The following LCTL variants were observed in gnomAD, a reference collection of about 807,000 sequenced individuals.
LCTL encodes lactase-like protein.
LCTL carries 76 observed loss-of-function variants against 75.8 expected under a neutral mutation model. That is an observed-to-expected ratio of 1.00 (90% CI 0.83 to 1.21). The LOEUF (loss-of-function observed/expected upper bound fraction) is 1.21, where lower values mean the gene tolerates loss of function less well. Among genes scored for constraint, LCTL ranks in the 50% most tolerant of loss-of-function variants. LCTL has a pLI of 0.00. For synonymous variants in LCTL, 271 were observed against 268.8 expected (o/e 1.01, Z -0.08); for missense variants, 670 against 712.4 (o/e 0.94, Z 0.68).
Position 66,552,983 on chromosome 15 carries a change from C to G in LCTL, c.1197+1G>C. The G allele has an allele frequency of 1.4e-6, 2 of 1,442,418 alleles. No individual in the cohort carries two copies. Among genetic ancestry groups the G allele is most frequent in the Non-Finnish European group, 1.8e-6 (2 of 1,094,826 alleles). The allele number at this position is 1,442,418 out of a possible 1,614,324, so 89.4% of individuals were successfully genotyped here. On this transcript the variant is annotated splice_donor_variant, in intron 9 of 12. Coordinates refer to ENST00000341509, the Ensembl canonical transcript of LCTL. LOFTEE classifies it high-confidence loss of function. Reference sequence around the variant, plus strand: ...TTTGAATAGCTGAATGTGATAATCACCTGAGCAAAGTTAAGGAGCCTCCTA... The same window carrying G: ...TTTGAATAGCTGAATGTGATAATCAGCTGAGCAAAGTTAAGGAGCCTCCTA...
rs538810749 is a variant in LCTL at position 66,562,041 on chromosome 15, C to G, written c.481-726G>C. 4.6e-5 allele frequency among the ~76,000 whole-genome samples: 7 copies of G among 152,246 alleles called. No individual in the cohort carries two copies. In the East Asian group the frequency reaches 1.2e-3, roughly 25 times the overall value. Reference sequence around the variant, plus strand: ...CCATGCGCCCTCCAATCAGAACACCCTTTCCTCCCACCTCCTGCCCAAACC... The same window carrying G: ...CCATGCGCCCTCCAATCAGAACACCGTTTCCTCCCACCTCCTGCCCAAACC... On this transcript the variant is annotated intron_variant, in intron 4 of 12. Coordinates refer to ENST00000341509, the Ensembl canonical transcript of LCTL.
At chr15:66,547,824 T>A (rs1266722199) in exon 13 of LCTL, 1 of 152,250 alleles carries the variant, frequency 6.6e-6, no homozygotes, top group East Asian at 1.9e-4. Flanking sequence ...TCTTTCTCTG[T>A]TGCACAGGCT....
chr15:66,564,410 C>T (rs973144355), intron 2 of LCTL: 12 of 494,212 alleles, frequency 2.4e-5, no homozygotes, highest in African/African-American at 1.9e-4. Flanking sequence ...TCAGCTCCCC[C>T]TTCACTTGGC....
chr15:66,552,204 A>C, intron 9 of LCTL, 35 bp from the exon 11 acceptor site: 1 of 1,588,636 alleles, frequency 6.3e-7, no homozygotes, highest in Non-Finnish European at 8.5e-7. Context: ...TATCTTAAAA[A>C]TTCTGACCTA....
At chr15:66,564,979 AG>A (rs1191161200) in intron 1 of LCTL, 140 bp from the exon 3 acceptor site, 1 of 793,842 alleles carries the variant, frequency 1.3e-6, no homozygotes, top group Non-Finnish European at 2.0e-6. Flanking sequence ...TTGTCTTCCT[AG>A]GAGTGTGAGC....
chr15:66,557,635 G>T, intron 8 of LCTL, 87 bp downstream of exon 9: 1 of 1,357,582 alleles, frequency 7.4e-7, no homozygotes, highest in Non-Finnish European at 1.0e-6. Flanking sequence ...GGCCCAGTGA[G>T]CTCTTCATCC....
At chr15:66,552,233 A>G (rs1895625453) in intron 9 of LCTL, 64 bp from the exon 11 acceptor site, 1 of 1,405,232 alleles carries the variant, frequency 7.1e-7, no homozygotes, top group Non-Finnish European at 9.8e-7. Flanking sequence ...TTTCTGAGTC[A>G]GAGGCTCATA....
chr15:66,553,279 A>G, intron 8 of LCTL, 21 bp from the exon 10 acceptor site: 1 of 1,512,658 alleles, frequency 6.6e-7, no homozygotes, highest in East Asian at 2.4e-5. Flanking sequence ...AGAAAAGTAG[A>G]ATTTAACAAA....
At chr15:66,550,687 C>T (rs974633042) in intron 11 of LCTL, among the ~76,000 whole-genome samples, 2 of 151,952 alleles carry the variant, frequency 1.3e-5, no homozygotes, top group Non-Finnish European at 2.9e-5. Flanking sequence ...CTATGTTGCC[C>T]AGGCTGGTCT....
At chr15:66,564,086 C>A in intron 2 of LCTL, 88 bp from the exon 4 acceptor site, 1 of 848,564 alleles carries the variant, frequency 1.2e-6, no homozygotes. Context: ...GAGGCTCACT[C>A]TTGTCTGTAG....
At chr15:66,564,096 G>T in intron 2 of LCTL, 98 bp from the exon 4 acceptor site, 1 of 786,332 alleles carries the variant, frequency 1.3e-6, no homozygotes, top group Non-Finnish European at 2.2e-6. Context: ...CTTGTCTGTA[G>T]CTGTTAGTGG....
At chr15:66,549,995 ATTTAG>A (rs774282122) in intron 12 of LCTL, 41 bp downstream of exon 13, 62 of 1,313,378 alleles carry the variant, frequency 4.7e-5, no homozygotes, top group Non-Finnish European at 6.4e-5. Flanking sequence ...ATGTATAATT[ATTTAG>A]TTTAATTATT....
chr15:66,563,998 C>A lies in LCTL; in HGVS notation c.283G>T (p.Glu95Ter), dbSNP rs201635896. ...AGTTCCCTCAGCAGAATGATGTCCT[C>A]CTGTGCAGACAGGGGTGGGGAGACA... Residue 95 changes from glutamate to a stop codon, truncating the protein, a stop_gained and splice_region_variant, in exon 3 of 13, where the codon GAG (glutamate) becomes TAG (stop). Coordinates refer to ENST00000341509, the Ensembl canonical transcript of LCTL. LOFTEE classifies it high-confidence loss of function. 6.2e-7 allele frequency: 1 copy of A among 1,611,588 alleles called. No homozygotes were observed. Among genetic ancestry groups the A allele is most frequent in the East Asian group, 2.2e-5 (1 of 44,872 alleles).
exon 13 of LCTL, chr15:66,548,195 C>A: frequency 4.8e-6 from 1 of 210,488 alleles, no homozygotes; most frequent in Non-Finnish European, 9.6e-6. Flanking sequence ...CAAGTCACAA[C>A]AGTTTGTATA....
rs372521442 is a variant in LCTL at position 66,562,223 on chromosome 15, C to T, written c.481-908G>A. Reference sequence around the variant, plus strand: ...TTCGAGACCAGCCTGGCCAACATGGCGAAACCCTGTCTTTACTAAAAATAC... The same window carrying T: ...TTCGAGACCAGCCTGGCCAACATGGTGAAACCCTGTCTTTACTAAAAATAC... On this transcript the variant is annotated intron_variant, in intron 4 of 12. Transcript: ENST00000341509. Among the ~76,000 whole-genome samples, 11 of 152,070 alleles carry T rather than the reference C, an allele frequency of 7.2e-5. No homozygotes were observed. In the East Asian group the frequency reaches 1.9e-3, roughly 27 times the overall value.
chr15:66,556,971 C>A (rs1895756027), intron 8 of LCTL, among the ~76,000 whole-genome samples: 1 of 152,130 alleles, frequency 6.6e-6, no homozygotes, highest in African/African-American at 2.4e-5. Flanking sequence ...AGAAAGCCCA[C>A]CCCAAAACTT....
exon 6 of LCTL, chr15:66,561,032 ACAGGCCGGTGCCGCGGAGCTT>A (rs1313229736): frequency 8.1e-6 from 13 of 1,614,026 alleles, no homozygotes; most frequent in Non-Finnish European, 1.1e-5. Context: ...GCTGCCTTGT[ACAGGCCGGTGCCGCGGAGCTT>A]CAGGCCCGGC....
At chr15:66,563,418 T>C (rs1380232009) in intron 4 of LCTL, 98 bp downstream of exon 5, 3 of 705,222 alleles carry the variant, frequency 4.3e-6, no homozygotes, top group Non-Finnish European at 5.0e-6. Flanking sequence ...ATCCAGACCC[T>C]AGTCTCTGCT....
intron 3 of LCTL, 44 bp from the exon 5 acceptor site, chr15:66,563,669 C>T (rs1459967647): frequency 7.2e-7 from 1 of 1,392,870 alleles, no homozygotes; most frequent in East Asian, 2.3e-5. Flanking sequence ...AGGACCTCGG[C>T]CTTGGCCTTG....
Sources: gnomAD v4.1 joint callset for allele counts (sites outside exome capture counted in the v4.1 genomes callset) on GRCh38, gnomAD v4.1.1 for gene constraint, MANE v1.5 for transcripts, NCBI Gene and HGNC (gene_info 2026-07-23, HGNC 2026-07-21) for gene names.